The following CPSF6 variants were observed in gnomAD, a reference collection of about 807,000 sequenced individuals.
The protein encoded by CPSF6 is cleavage and polyadenylation specific factor 6.
Under a neutral mutation model 56.7 loss-of-function variants are expected in CPSF6, and 10 were observed. That is an observed-to-expected ratio of 0.18 (90% CI 0.11 to 0.30). CPSF6 has a LOEUF of 0.30. Among genes scored for constraint, CPSF6 ranks in the 10% least tolerant of loss-of-function variants. The probability of loss-of-function intolerance (pLI) is 1.00; values close to 1 mark genes in which losing one functional copy is unlikely to be tolerated. For missense variants in CPSF6, 419 were observed against 722.9 expected, an observed-to-expected ratio of 0.58 and a Z score of 4.82; for synonymous variants, 248 against 244.8, an observed-to-expected ratio of 1.01 and a Z score of -0.12.
At chr12:69,266,027 GA>G (rs10556524) in intron 9 of CPSF6, among the ~76,000 whole-genome samples, 11,987 of 132,590 alleles carry the variant, frequency 0.09, 679 homozygotes, top group East Asian at 0.3. Flanking sequence ...TGTTAATTTT[GA>G]AAAAAAAAAA....
chr12:69,249,572 C>G (rs1872125562), intron 1 of CPSF6, among the ~76,000 whole-genome samples: 1 of 152,098 alleles, frequency 6.6e-6, no homozygotes, highest in Non-Finnish European at 1.5e-5. Flanking sequence ...TTATAATTGT[C>G]TTTTTCCTTA....
rs753772099 is a variant in CPSF6, at chr12:69,262,570, T to G, written c.*3+8T>G. 1 of 1,603,920 alleles carries G rather than the reference T, an allele frequency of 6.2e-7. No individual in the cohort carries two copies. Among genetic ancestry groups the G allele is most frequent in the South Asian group, 1.1e-5 (1 of 90,142 alleles). ...TATCGTCATCGTTAGAAGGTGGGTA[T>G]TCCTTGTTCCCTGTTAAATGTGTGT... On this transcript the variant is annotated splice_region_variant and intron_variant, in intron 9 of 9. Coordinates refer to ENST00000435070, the MANE Select transcript of CPSF6 (RefSeq NM_007007.3).
chr12:69,273,448 A>C lies in CPSF6; in HGVS notation c.*3940A>C, dbSNP rs1374318476. On this transcript the variant is annotated 3_prime_UTR_variant, in exon 10 of 10. Coordinates refer to ENST00000435070, the MANE Select transcript of CPSF6 (RefSeq NM_007007.3). ...TAAATACTAGGTTGAATTTAATTGA[A>C]GTCACACACATCTTGAAGTGGTAAC... The C allele has an allele frequency of 6.1e-6, 1 of 162,840 alleles. No individual in the cohort carries two copies. The highest frequency in any genetic ancestry group is 6.0e-5 in the Admixed American group (1 of 16,538). 10.1% of individuals were successfully genotyped at this position (162,840 alleles called of 1,614,324 possible). A position where few individuals can be genotyped will look rare whatever the true frequency, so the allele number is the denominator to read the frequency against.
At position 69,239,892 on chromosome 12, in the gene CPSF6, G is replaced by T. The variant is rs3741752; in HGVS notation, c.60+186G>T. On this transcript the variant is annotated intron_variant, in intron 1 of 9. Transcript: ENST00000435070. Reference sequence around the variant, plus strand: ...CTCGTTCTACCGCGTCGTTTCACGGGCCGCGGGCGCGGCGAGTCGCCGCGG... The same window carrying T: ...CTCGTTCTACCGCGTCGTTTCACGGTCCGCGGGCGCGGCGAGTCGCCGCGG... 1.3e-4 allele frequency among the ~76,000 whole-genome samples: 20 copies of T among 149,348 alleles called. No individual in the cohort carries two copies. In the East Asian group the frequency reaches 4.0e-3, roughly 30 times the overall value.
chr12:69,258,549 G>A lies in CPSF6; in HGVS notation c.695-41G>A. On this transcript the variant is annotated intron_variant, in intron 5 of 9. Coordinates refer to ENST00000435070, the MANE Select transcript of CPSF6 (RefSeq NM_007007.3). The surrounding 1 kb of genome is among the most constrained non-coding windows in gnomAD (Gnocchi z 4.2). ...ATATAAAAGTTAAAATATCTTATTA[G>A]TGAAGTGTTTTTTTTTCTCTCTTTC... 4.1e-6 allele frequency: 6 copies of A among 1,463,348 alleles called. No homozygotes were observed. Among genetic ancestry groups the A allele is most frequent in the Non-Finnish European group, 5.4e-6 (6 of 1,119,042 alleles). 90.6% of individuals were successfully genotyped at this position (1,463,348 alleles called of 1,614,324 possible). A position where few individuals can be genotyped will look rare whatever the true frequency, so the allele number is the denominator to read the frequency against.
Position 69,273,249 on chromosome 12 carries a change from G to T in CPSF6, c.*3741G>T. 1 of 451,972 alleles carries T rather than the reference G, an allele frequency of 2.2e-6. No individual in the cohort carries two copies. Among genetic ancestry groups the T allele is most frequent in the Non-Finnish European group, 4.5e-6 (1 of 224,292 alleles). The allele number at this position is 451,972 out of a possible 1,614,324, so 28.0% of individuals were successfully genotyped here. ...ATATTCAGGCAACACTGTTCAGATT[G>T]ATTTAGGTTTGTCTTAACCAATGTT... On this transcript the variant is annotated 3_prime_UTR_variant, in exon 10 of 10. Transcript: ENST00000435070.
chr12:69,261,824 A>G (rs992055797), intron 8 of CPSF6, among the ~76,000 whole-genome samples: 5 of 152,170 alleles, frequency 3.3e-5, no homozygotes, highest in East Asian at 1.9e-4. Context: ...TACTATATCT[A>G]TTCTTGCTAC....
At chr12:69,250,718 C>T (rs553644893) in intron 1 of CPSF6, among the ~76,000 whole-genome samples, 1 of 151,410 alleles carries the variant, frequency 6.6e-6, no homozygotes, top group Admixed American at 6.6e-5. Flanking sequence ...ACGATCTTGG[C>T]TCACTACAAC....
intron 1 of CPSF6, among the ~76,000 whole-genome samples, chr12:69,245,754 G>A (rs887914172): frequency 6.6e-6 from 1 of 152,090 alleles, no homozygotes; most frequent in Non-Finnish European, 1.5e-5. Flanking sequence ...GGCCATCACC[G>A]ATAGCACAAA....
intron 1 of CPSF6, among the ~76,000 whole-genome samples, chr12:69,241,753 C>G (rs929201017): frequency 2.0e-5 from 3 of 152,160 alleles, no homozygotes; most frequent in Admixed American, 6.5e-5. Context: ...TGCATTACGT[C>G]TAACACAGTT....
rs541014666 is a variant in CPSF6, at chr12:69,251,445, T to C, written c.270+107T>C. Reference sequence around the variant, plus strand: ...TTATAAGTTTGAAGTTACTGTGTTTTTCTATATGTGTTTGCTTGTCCAATG... The same window carrying C: ...TTATAAGTTTGAAGTTACTGTGTTTCTCTATATGTGTTTGCTTGTCCAATG... On this transcript the variant is annotated intron_variant, in intron 2 of 9. Coordinates refer to ENST00000435070, the MANE Select transcript of CPSF6 (RefSeq NM_007007.3). 367 of 741,354 alleles carry C rather than the reference T, an allele frequency of 5.0e-4. 2 individuals carry two copies. Among genetic ancestry groups the C allele is most frequent in the South Asian group, 3.7e-3 (177 of 48,350 alleles). 45.9% of individuals were successfully genotyped at this position (741,354 alleles called of 1,614,324 possible).
At chr12:69,250,905 C>T (rs1872212060) in intron 1 of CPSF6, among the ~76,000 whole-genome samples, 1 of 152,110 alleles carries the variant, frequency 6.6e-6, no homozygotes, top group Non-Finnish European at 1.5e-5. Context: ...CCTCGGCCTC[C>T]CAAGTGCTGG....
intron 3 of CPSF6, among the ~76,000 whole-genome samples, chr12:69,255,832 CG>C (rs1872485573): frequency 2.6e-5 from 4 of 152,152 alleles, no homozygotes; most frequent in Non-Finnish European, 4.4e-5. Flanking sequence ...CCACTGCACC[CG>C]GCCTCTCCAC....
intron 9 of CPSF6, among the ~76,000 whole-genome samples, chr12:69,265,403 A>G: frequency 6.6e-6 from 1 of 152,078 alleles, no homozygotes; most frequent in East Asian, 1.9e-4. Flanking sequence ...GAACATCCCT[A>G]CTCAGCAAAT....
chr12:69,261,780 A>G (rs1872750744), intron 8 of CPSF6, among the ~76,000 whole-genome samples: 2 of 152,218 alleles, frequency 1.3e-5, no homozygotes, highest in South Asian at 4.1e-4. Context: ...ATCGCAGTTC[A>G]TGAAACATTT....
rs551536519 is a variant in CPSF6, at chr12:69,272,782, G to A, written c.*3274G>A. On this transcript the variant is annotated 3_prime_UTR_variant, in exon 10 of 10. Transcript: ENST00000435070. Reference sequence around the variant, plus strand: ...CCTAGTTGTATGTACGTAAATGCACGCTTATCCAGTGTATATTAGACATTT... The same window carrying A: ...CCTAGTTGTATGTACGTAAATGCACACTTATCCAGTGTATATTAGACATTT... 19 of 155,314 alleles carry A rather than the reference G, an allele frequency of 1.2e-4. No homozygotes were observed. The South Asian group carries it at 3.4e-3, about 28-fold the overall frequency. 9.6% of individuals were successfully genotyped at this position (155,314 alleles called of 1,614,324 possible). A position where few individuals can be genotyped will look rare whatever the true frequency, so the allele number is the denominator to read the frequency against.
rs777656440 is a variant in CPSF6, at chr12:69,262,451, T to C, written c.1548T>C (p.Arg516=). Residue 516 remains arginine, a synonymous_variant, in exon 9 of 10, where the codon CGT becomes CGC. Transcript: ENST00000435070. ...GTCATAAATCCCGTAGTAGAGACCGTCATGACGATTATTACAGAGAGAGAA... is the reference window on the plus strand; with the variant it reads ...GTCATAAATCCCGTAGTAGAGACCGCCATGACGATTATTACAGAGAGAGAA... ...SRRHKSRSRD[R]HDDYYRERSR... 9 of 1,613,964 alleles carry C rather than the reference T, an allele frequency of 5.6e-6. 1 individual carries two copies. The South Asian group carries it at 9.9e-5, about 18-fold the overall frequency.
intron 1 of CPSF6, among the ~76,000 whole-genome samples, chr12:69,244,878 C>T (rs1033790369): frequency 6.6e-6 from 1 of 151,928 alleles, no homozygotes; most frequent in African/African-American, 2.4e-5. Flanking sequence ...TTCTGTAATA[C>T]GTGGTGAAGG....
rs755376809 is a variant in CPSF6 at position 69,259,473 on chromosome 12, A to G, written c.1245A>G (p.Glu415=). ...CGCCATTGAGTGAAGCTGAATTTGA[A>G]GAAATCATGAATAGAAATAGGGCAA... The part of the protein sequence containing the change: ...ARTPLSEAEF[E]EIMNRNRAIS... Residue 415 remains glutamate (E), a synonymous_variant, in exon 7 of 10, where the codon GAA becomes GAG. Transcript: ENST00000435070. 11 of 1,613,862 alleles carry G rather than the reference A, an allele frequency of 6.8e-6. No homozygotes were observed. Among genetic ancestry groups the G allele is most frequent in the East Asian group, 6.7e-5 (3 of 44,880 alleles).
Sources: gnomAD v4.1 joint callset for allele counts (sites outside exome capture counted in the v4.1 genomes callset) on GRCh38, gnomAD v4.1.1 for gene constraint, Gnocchi (gnomAD v3.1) non-coding constraint, MANE v1.5 for transcripts, NCBI Gene and HGNC (gene_info 2026-07-23, HGNC 2026-07-21) for gene names.